Variants in ELAVL2 observed in about 807,000 individuals in gnomAD.
ELAVL2 encodes the protein ELAV-like protein 2.
In ELAVL2, 4 loss-of-function variants were observed where a neutral mutation model predicts 34.6. That is an observed-to-expected ratio of 0.12 (90% confidence interval 0.06 to 0.26). The LOEUF is 0.26. Ranked by LOEUF, ELAVL2 falls within the 10% of genes least tolerant of loss-of-function variation. ELAVL2 has a pLI of 1.00. For missense variants in ELAVL2, 432 were observed against 442.8 expected (o/e 0.98, Z 0.22); for synonymous variants, 193 against 154.8 (o/e 1.25, Z -1.83).
intron 2 of ELAVL2, among the ~76,000 whole-genome samples, chr9:23,748,252 G>C (rs985304347): frequency 3.3e-5 from 5 of 152,048 alleles, no homozygotes; most frequent in African/African-American, 1.2e-4. Context: ...CTAACTCGTC[G>C]CTCTTTGACT....
At chr9:23,761,924 T>G in intron 2 of ELAVL2, 82 bp downstream of exon 2, 1 of 1,440,966 alleles carries the variant, frequency 6.9e-7, no homozygotes, top group Non-Finnish European at 9.2e-7. Flanking sequence ...CAGTGAATTA[T>G]TTACAAGCAG....
intron 3 of ELAVL2, among the ~76,000 whole-genome samples, chr9:23,709,416 G>A (rs1055941438): frequency 2.0e-5 from 3 of 151,850 alleles, no homozygotes; most frequent in African/African-American, 7.3e-5. Context: ...ACTAAATTTT[G>A]TATCTGACCA....
chr9:23,831,122 A>G (rs1038673591), upstream of ELAVL2, among the ~76,000 whole-genome samples: 5 of 152,200 alleles, frequency 3.3e-5, no homozygotes, highest in African/African-American at 9.6e-5. Context: ...CTTTACCGGG[A>G]CCTGGGAAGA....
intron 2 of ELAVL2, among the ~76,000 whole-genome samples, chr9:23,752,543 C>T (rs2135625373): frequency 6.6e-6 from 1 of 152,024 alleles, no homozygotes; most frequent in East Asian, 1.9e-4. Context: ...CAACCTCCGC[C>T]TCCCGGGTTG....
chr9:23,794,141 C>G (rs185724427), intron 1 of ELAVL2, among the ~76,000 whole-genome samples: 1 of 152,340 alleles, frequency 6.6e-6, no homozygotes, highest in African/African-American at 2.4e-5. Flanking sequence ...ATGTCACTGA[C>G]TAGCATACCA....
At chr9:23,705,608 G>A (rs1280654193) in intron 3 of ELAVL2, among the ~76,000 whole-genome samples, 1 of 152,202 alleles carries the variant, frequency 6.6e-6, no homozygotes, top group East Asian at 1.9e-4. Context: ...TTTTGTGGAA[G>A]ACAATTTTTC....
the ELAVL2 span, among the ~76,000 whole-genome samples, chr9:23,841,891 G>A: frequency 3.9e-5 from 6 of 152,072 alleles, no homozygotes; most frequent in African/African-American, 1.4e-4. Flanking sequence ...ATGCCTGTCA[G>A]GAACATATTT....
chr9:23,783,553 C>G (rs3793592), intron 1 of ELAVL2: 29,143 of 957,280 alleles, frequency 0.03, 492 homozygotes, highest in East Asian at 0.074. Flanking sequence ...TTAGTCACCA[C>G]TAAAAGGACA....
chr9:23,751,386 A>C (rs1195030893), intron 2 of ELAVL2, among the ~76,000 whole-genome samples: 1 of 152,186 alleles, frequency 6.6e-6, no homozygotes, highest in East Asian at 1.9e-4. Flanking sequence ...CATACACACA[A>C]ACTGAAATCT....
At chr9:23,843,887 G>A in the ELAVL2 span, among the ~76,000 whole-genome samples, 1 of 151,926 alleles carries the variant, frequency 6.6e-6, no homozygotes, top group East Asian at 1.9e-4. Flanking sequence ...TCCCGGCTGT[G>A]CACATTTGTC....
chr9:23,705,148 C>G (rs1053814298), intron 3 of ELAVL2, 77 bp from the exon 4 acceptor site: 2 of 1,546,368 alleles, frequency 1.3e-6, no homozygotes, highest in South Asian at 1.2e-5. Context: ...AAAACTGCCT[C>G]GGTAACTTTC....
At position 23,692,720 on chromosome 9, in the gene ELAVL2, T is replaced by C; in HGVS notation, c.917A>G (p.Lys306Arg). 1 of 1,614,194 alleles carries C rather than the reference T, an allele frequency of 6.2e-7. No individual in the cohort carries two copies. The highest frequency in any genetic ancestry group is 8.5e-7 in the Non-Finnish European group (1 of 1,180,010). The stretch of plus-strand genomic sequence containing the variant: ...ATTGGTGTTAAAGTCACGGATGACC[T>C]TCACATTGGTGACAGCTCCAAAAGG... ...FGPFGAVTNVKVIRDFNTNKC... is the reference protein window; with the variant it reads ...FGPFGAVTNVRVIRDFNTNKC... Residue 306 changes from lysine to arginine, a missense_variant, in exon 7 of 7, where the codon AAG (lysine) becomes AGG (arginine). This residue lies in a region of ELAVL2 where 295 missense variants were observed against 306.1 expected (regional missense o/e 0.96). Coordinates refer to ENST00000397312, the MANE Select transcript of ELAVL2 (RefSeq NM_004432.5).
At chr9:23,814,435 A>G (rs1447703540) in intron 1 of ELAVL2, among the ~76,000 whole-genome samples, 1 of 152,168 alleles carries the variant, frequency 6.6e-6, no homozygotes. Flanking sequence ...CGCATCCCAA[A>G]GAGGGGAGGA....
chr9:23,850,497 C>A, the ELAVL2 span, among the ~76,000 whole-genome samples: 1 of 152,060 alleles, frequency 6.6e-6, no homozygotes, highest in Non-Finnish European at 1.5e-5. Context: ...CTGCCTCTTT[C>A]GAGCTGCACA....
chr9:23,817,035 T>C (rs1379525175), intron 1 of ELAVL2, among the ~76,000 whole-genome samples: 2 of 152,022 alleles, frequency 1.3e-5, no homozygotes, highest in African/African-American at 4.8e-5. Context: ...AGCAAAACCT[T>C]CACTGTGTCT....
chr9:23,809,478 A>C (rs146160645), intron 1 of ELAVL2, among the ~76,000 whole-genome samples: 1 of 152,284 alleles, frequency 6.6e-6, no homozygotes, highest in African/African-American at 2.4e-5. Flanking sequence ...TTGCATATCT[A>C]AGACATGAGA....
intron 3 of ELAVL2, among the ~76,000 whole-genome samples, chr9:23,724,170 A>T (rs2044480508): frequency 6.6e-6 from 1 of 152,270 alleles, no homozygotes; most frequent in Non-Finnish European, 1.5e-5. Context: ...AATTCCAATA[A>T]AGATGGGTTC....
intron 2 of ELAVL2, among the ~76,000 whole-genome samples, chr9:23,744,131 T>A (rs961342494): frequency 1.3e-5 from 2 of 152,246 alleles, no homozygotes; most frequent in Admixed American, 6.5e-5. Flanking sequence ...GAGATTGGGA[T>A]CTCATCTGTG....
chr9:23,705,626 C>T (rs1053818139), intron 3 of ELAVL2, among the ~76,000 whole-genome samples: 3 of 152,118 alleles, frequency 2.0e-5, no homozygotes, highest in African/African-American at 7.2e-5. Context: ...TTCCATGGAC[C>T]ATGGTGGGGG....
Sources: gnomAD v4.1 joint callset for allele counts (sites outside exome capture counted in the v4.1 genomes callset) on GRCh38, gnomAD v4.1.1 for gene constraint, gnomAD v4.1.1 regional missense constraint, MANE v1.5 for transcripts, NCBI Gene and HGNC (gene_info 2026-07-23, HGNC 2026-07-21) for gene names.